Variants in MYO19 observed in about 807,000 individuals in gnomAD.
The protein encoded by MYO19 is unconventional myosin-XIX.
Under a neutral mutation model 129.2 loss-of-function variants are expected in MYO19, and 132 were observed. The ratio of observed to expected loss-of-function variants is 1.02; its 90% CI spans 0.89 to 1.18. The LOEUF (loss-of-function observed/expected upper bound fraction) is 1.18. Ranked by LOEUF, MYO19 falls within the 50% of genes most tolerant of loss-of-function variation. The pLI, the probability that MYO19 is intolerant of heterozygous loss-of-function variation, is 0.00. For missense variants in MYO19, 1,210 were observed against 1,216.7 expected (o/e 0.99, Z 0.08); for synonymous variants, 531 against 477.2 (o/e 1.11, Z -1.47).
chr17:36,522,089 A>T (rs1048610125), intron 6 of MYO19, among the ~76,000 whole-genome samples: 1 of 152,090 alleles, frequency 6.6e-6, no homozygotes, highest in Non-Finnish European at 1.5e-5. Context: ...CTATATTCAG[A>T]AAGAAAATTA....
intron 3 of MYO19, among the ~76,000 whole-genome samples, chr17:36,532,231 C>G (rs1272330002): frequency 1.3e-5 from 2 of 152,208 alleles, no homozygotes; most frequent in African/African-American, 4.8e-5. Flanking sequence ...TATGCCTCAA[C>G]AATTCAGGTG....
At position 36,514,004 on chromosome 17, in the gene MYO19, G is replaced by A. The variant is rs1349364572; in HGVS notation, c.721-279C>T. On this transcript the variant is annotated intron_variant, in intron 9 of 25. Transcript: ENST00000614623. ...CAGGGAGTCCGTCGTCTTGACGTGG[G>A]AGGCATACCCATCACCTAAGGATGC... is the stretch of plus-strand genomic sequence containing the variant. 2.0e-5 allele frequency among the ~76,000 whole-genome samples: 3 copies of A among 152,242 alleles called. No homozygotes were observed. In the East Asian group the frequency reaches 5.8e-4, roughly 29 times the overall value.
intron 14 of MYO19, 26 bp from the exon 15 acceptor site, chr17:36,507,950 G>C (rs1436328459): frequency 6.3e-7 from 1 of 1,575,690 alleles, no homozygotes; most frequent in Non-Finnish European, 8.6e-7. Context: ...AGAACCCATG[G>C]GGCCACTGCA....
chr17:36,527,775 G>GT, intron 4 of MYO19, 76 bp from the exon 5 acceptor site: 1 of 1,454,532 alleles, frequency 6.9e-7, no homozygotes, highest in Non-Finnish European at 9.3e-7. Context: ...ATCTACTTAA[G>GT]TAACAGCCCT....
upstream of MYO19, among the ~76,000 whole-genome samples, chr17:36,539,708 C>G (rs2074186648): frequency 6.6e-6 from 1 of 152,082 alleles, no homozygotes; most frequent in Non-Finnish European, 1.5e-5. Flanking sequence ...TTTAGCCTAC[C>G]CTATGCTAGG....
chr17:36,523,644 T>C (rs2073283678), intron 6 of MYO19, among the ~76,000 whole-genome samples: 1 of 152,212 alleles, frequency 6.6e-6, no homozygotes, highest in Non-Finnish European at 1.5e-5. Context: ...CTGCTATGCA[T>C]ATACACATGA....
chr17:36,538,432 TA>T, upstream of MYO19: 1 of 1,614,150 alleles, frequency 6.2e-7, no homozygotes, highest in East Asian at 2.2e-5. Flanking sequence ...ATCACAGCTC[TA>T]AACAGAAAAC....
chr17:36,527,679 G>C lies in MYO19; in HGVS notation c.172C>G (p.Arg58Gly), dbSNP rs903057383. Residue 58 changes from arginine to glycine, a missense_variant, in exon 5 of 26, where the codon CGG becomes GGG. Arg to Gly is a moderately radical substitution (Grantham distance 125). Transcript: ENST00000614623. ...LETVLRCLQA[R>G]YMADTFYTNA... ...GTGTAGAATGTGTCTGCCATGTACCGGGCCTGCAGGCACCTCAGGACTGAG... is the reference window on the plus strand; with the variant it reads ...GTGTAGAATGTGTCTGCCATGTACCCGGCCTGCAGGCACCTCAGGACTGAG... 1.2e-6 allele frequency: 2 copies of C among 1,612,958 alleles called. No individual in the cohort carries two copies. The highest frequency in any genetic ancestry group is 1.7e-6 in the Non-Finnish European group (2 of 1,179,486).
In MYO19 at chr17:36,527,715, C is replaced by A. The variant is rs747795115; in HGVS notation, c.152-16G>T. On this transcript the variant is annotated splice_polypyrimidine_tract_variant and intron_variant, in intron 4 of 25. Transcript: ENST00000614623. Reference sequence around the variant, plus strand: ...CACCTCAGGACTGAGGCAGAGATGCCTTTAGCAAACTCGGGCTCAAATATA... The same window carrying A: ...CACCTCAGGACTGAGGCAGAGATGCATTTAGCAAACTCGGGCTCAAATATA... 9.4e-6 allele frequency: 15 copies of A among 1,601,966 alleles called. No homozygotes were observed. The South Asian group carries it at 1.6e-4, about 17-fold the overall frequency.
Position 36,514,548 on chromosome 17 carries a change from C to A in MYO19, c.618G>T (p.Arg206Ser). Residue 206 changes from arginine (R) to serine (S), a missense_variant and splice_region_variant, in exon 9 of 26, where the codon AGG (arginine) becomes AGT (serine). Coordinates refer to ENST00000614623, the MANE Select transcript of MYO19 (RefSeq NM_001163735.2). ...FGKFIQLQLN[R>S]AQQMTGAAVQ... ...CTGCGGCTCCAGTCATTTGCTGAGC[C>A]CTGGGACACACACAGGCCAGAGCCC... 6.2e-7 allele frequency: 1 copy of A among 1,604,636 alleles called. No homozygotes were observed. The highest frequency in any genetic ancestry group is 1.7e-5 in the Admixed American group (1 of 59,986).
At chr17:36,538,387 C>A, upstream of MYO19, 1 of 1,614,104 alleles carries the variant, frequency 6.2e-7, no homozygotes, top group Non-Finnish European at 8.5e-7. Context: ...TCTCTAGTCC[C>A]TGAAGCCGAA....
upstream of MYO19, chr17:36,538,578 G>A (rs779671420): frequency 2.5e-6 from 4 of 1,612,866 alleles, no homozygotes; most frequent in South Asian, 2.2e-5. Context: ...AATTGTATAT[G>A]TACTATATTT....
At position 36,518,558 on chromosome 17, in the gene MYO19, A is replaced by G. The variant is rs1487343198; in HGVS notation, c.415-2568T>C. 3.6e-5 allele frequency among the ~76,000 whole-genome samples: 4 copies of G among 112,408 alleles called. 1 individual carries two copies. Among genetic ancestry groups the G allele is most frequent in the Non-Finnish European group, 7.1e-5 (4 of 56,186 alleles). The allele number at this position is 112,408 out of a possible 152,430, so 73.7% of individuals were successfully genotyped here. ...TATATATATATATATATATATGTGT[A>G]TGTGTATATATATGTATATACATAA... On this transcript the variant is annotated intron_variant, in intron 6 of 25. Coordinates refer to ENST00000614623, the MANE Select transcript of MYO19 (RefSeq NM_001163735.2).
At chr17:36,542,454 C>T (rs1417831932) in intron 1 of MYO19, among the ~76,000 whole-genome samples, 1 of 152,120 alleles carries the variant, frequency 6.6e-6, no homozygotes, top group Non-Finnish European at 1.5e-5. Flanking sequence ...AATCCCAGCA[C>T]TTTGGGAGGC....
Position 36,499,080 on chromosome 17 carries a change from A to G in MYO19, c.2458T>C (p.Trp820Arg). ...ATVIKRAWQK[W>R]RIRMACLAAK... is the part of the protein sequence containing the mutation. ...ACTTCTTGGGTCTTACTTACTCTCC[A>G]CTTCTGCCATGCACGCTTGATGACT... is the stretch of plus-strand genomic sequence containing the variant. Residue 820 changes from tryptophan to arginine, a missense_variant, in exon 24 of 26, where the codon TGG (tryptophan) becomes CGG (arginine). Coordinates refer to ENST00000614623, the MANE Select transcript of MYO19 (RefSeq NM_001163735.2). 6.2e-7 allele frequency: 1 copy of G among 1,607,086 alleles called. No homozygotes were observed.
At chr17:36,534,504 C>G (rs535251773) in intron 1 of MYO19, among the ~76,000 whole-genome samples, 3 of 152,294 alleles carry the variant, frequency 2.0e-5, no homozygotes, top group African/African-American at 4.8e-5. Flanking sequence ...CCCTCTCCCC[C>G]CAGGCCGCCC....
At chr17:36,541,710 T>C (rs556565883) in intron 2 of MYO19, among the ~76,000 whole-genome samples, 28 of 152,342 alleles carry the variant, frequency 1.8e-4, no homozygotes, top group Non-Finnish European at 2.6e-4. Context: ...AATGAAATAA[T>C]AGGCAACAGA....
intron 1 of MYO19, 138 bp from the exon 2 acceptor site, chr17:36,534,242 GCTGGGTAAGGATC>G (rs2142545239): frequency 6.6e-6 from 1 of 152,424 alleles, no homozygotes; most frequent in South Asian, 2.1e-4. Context: ...GCTGAGAAGC[GCTGGGTAAGGATC>G]TCATCAGTCC....
In MYO19 at chr17:36,507,187, C is replaced by T. The variant is rs547943908; in HGVS notation, c.1468-48G>A. 11 of 1,574,016 alleles carry T rather than the reference C, an allele frequency of 7.0e-6. No homozygotes were observed. The South Asian group carries it at 1.3e-4, about 18-fold the overall frequency. ...CAGCCACCAACATGAGAGTGTCTCA[C>T]CACAACCCTCACTGTCCCCACCCTG... On this transcript the variant is annotated intron_variant, in intron 16 of 25. Transcript: ENST00000614623.
Sources: gnomAD v4.1 joint callset for allele counts (sites outside exome capture counted in the v4.1 genomes callset) on GRCh38, gnomAD v4.1.1 for gene constraint, MANE v1.5 for transcripts, NCBI Gene and HGNC (gene_info 2026-07-23, HGNC 2026-07-21) for gene names.